LSAMP: variants seen among roughly 807,000 people sequenced by gnomAD.
LSAMP encodes limbic system associated membrane protein, also known as limbic system-associated membrane protein.
LSAMP carries 7 observed loss-of-function variants against 38.6 expected under a neutral mutation model. The ratio of observed to expected loss-of-function variants is 0.18; its 90% CI spans 0.10 to 0.34. The LOEUF (loss-of-function observed/expected upper bound fraction) is 0.34. Among genes scored for constraint, LSAMP ranks in the 10% least tolerant of loss-of-function variants. LSAMP has a pLI of 1.00. For missense variants in LSAMP, 313 were observed against 420.0 expected (o/e 0.75, Z 2.23); for synonymous variants, 154 against 166.8 (o/e 0.92, Z 0.59).
intron 1 of LSAMP, among the ~76,000 whole-genome samples, chr3:116,189,675 A>C (rs1397195938): frequency 2.6e-5 from 4 of 152,154 alleles, no homozygotes; most frequent in Non-Finnish European, 5.9e-5. Flanking sequence ...GTAAGTTTTT[A>C]AGTGGCCTAT....
At chr3:116,207,448 T>G (rs1001844392) in intron 1 of LSAMP, among the ~76,000 whole-genome samples, 2 of 150,236 alleles carry the variant, frequency 1.3e-5, no homozygotes, top group African/African-American at 4.9e-5. Flanking sequence ...CCTGTCATTA[T>G]GATGTTAGCT....
chr3:115,878,453 C>CTTTTT (rs3087024), intron 3 of LSAMP, among the ~76,000 whole-genome samples: 6 of 55,536 alleles, frequency 1.1e-4, no homozygotes, highest in African/African-American at 1.4e-4. Context: ...ACATGCTATT[C>CTTTTT]TTTTTTTTTT....
At chr3:115,877,073 C>A (rs992943978) in intron 3 of LSAMP, among the ~76,000 whole-genome samples, 1 of 152,110 alleles carries the variant, frequency 6.6e-6, no homozygotes, top group African/African-American at 2.4e-5. Context: ...CATTTAAAAT[C>A]AACAGTTGCT....
intron 3 of LSAMP, among the ~76,000 whole-genome samples, chr3:115,930,764 G>A (rs971816268): frequency 6.9e-4 from 104 of 151,806 alleles, no homozygotes; most frequent in African/African-American, 2.4e-3. Context: ...GATGAGAGGA[G>A]ATTAACAGCA....
chr3:116,060,487 G>T (rs1377937957), intron 2 of LSAMP, among the ~76,000 whole-genome samples: 1 of 152,214 alleles, frequency 6.6e-6, no homozygotes, highest in Admixed American at 6.5e-5. Context: ...TTGTCTGGGT[G>T]CCGTGGCTCA....
At chr3:116,156,627 A>G (rs540777029) in intron 1 of LSAMP, among the ~76,000 whole-genome samples, 1 of 152,278 alleles carries the variant, frequency 6.6e-6, no homozygotes, top group Admixed American at 6.5e-5. Flanking sequence ...ACTACATTCA[A>G]CAGTATTAAT....
chr3:116,328,654 TA>T (rs1235089764), intron 1 of LSAMP, among the ~76,000 whole-genome samples: 1 of 152,078 alleles, frequency 6.6e-6, no homozygotes, highest in Non-Finnish European at 1.5e-5. Context: ...TGAAAAGTGA[TA>T]GGGGCATCAT....
intron 1 of LSAMP, among the ~76,000 whole-genome samples, chr3:116,198,167 G>A (rs1255445230): frequency 2.6e-5 from 4 of 152,224 alleles, no homozygotes; most frequent in Admixed American, 2.6e-4. Context: ...GAGCATTTCT[G>A]TAGGAAATCA....
intron 6 of LSAMP, among the ~76,000 whole-genome samples, chr3:115,825,967 A>T (rs1353841869): frequency 6.6e-6 from 1 of 152,132 alleles, no homozygotes; most frequent in East Asian, 1.9e-4. Flanking sequence ...CTTACGTAAA[A>T]AATATTATTT....
chr3:115,881,070 A>AAATAAATAAAT (rs1936311014), intron 3 of LSAMP, among the ~76,000 whole-genome samples: 1 of 151,766 alleles, frequency 6.6e-6, no homozygotes, highest in East Asian at 1.9e-4. Flanking sequence ...ATAAATAAAT[A>AAATAAATAAAT]AAATACTGTA....
At chr3:115,849,706 G>C (rs1454101905) in intron 4 of LSAMP, among the ~76,000 whole-genome samples, 1 of 152,084 alleles carries the variant, frequency 6.6e-6, no homozygotes, top group African/African-American at 2.4e-5. Flanking sequence ...AGGCAGACTT[G>C]GTTCCATAAT....
intron 1 of LSAMP, among the ~76,000 whole-genome samples, chr3:116,315,934 C>T (rs534406644): frequency 1.3e-5 from 2 of 152,168 alleles, no homozygotes; most frequent in African/African-American, 4.8e-5. Flanking sequence ...AAACGAATGG[C>T]ATTCAGAGGG....
At chr3:116,080,744 G>C (rs1283254368) in intron 2 of LSAMP, among the ~76,000 whole-genome samples, 1 of 152,168 alleles carries the variant, frequency 6.6e-6, no homozygotes, top group African/African-American at 2.4e-5. Flanking sequence ...AAAATTAGTA[G>C]ACTTCAGCAT....
chr3:115,837,024 C>T (rs1934810087), intron 6 of LSAMP, among the ~76,000 whole-genome samples: 1 of 152,176 alleles, frequency 6.6e-6, no homozygotes, highest in Non-Finnish European at 1.5e-5. Context: ...TCATTACAGG[C>T]TTCAGCCACT....
At chr3:115,925,503 T>TTA (rs1438035139) in intron 3 of LSAMP, among the ~76,000 whole-genome samples, 3 of 152,298 alleles carry the variant, frequency 2.0e-5, no homozygotes, top group Admixed American at 6.5e-5. Context: ...TTCACAAATG[T>TTA]TATAGAAGGC....
intron 1 of LSAMP, among the ~76,000 whole-genome samples, chr3:116,208,480 C>A (rs1480115767): frequency 9.8e-5 from 15 of 152,308 alleles, no homozygotes; most frequent in Middle Eastern, 3.4e-3. Context: ...AAGCGCTCTG[C>A]TTTTTAGAGT....
intron 1 of LSAMP, among the ~76,000 whole-genome samples, chr3:116,258,911 C>T (rs1350521175): frequency 6.6e-6 from 1 of 152,050 alleles, no homozygotes; most frequent in African/African-American, 2.4e-5. Context: ...CACTTGAAAA[C>T]TATTGGGGAG....
chr3:116,109,042 C>T (rs1052697527), intron 1 of LSAMP, among the ~76,000 whole-genome samples: 3 of 152,064 alleles, frequency 2.0e-5, no homozygotes, highest in Admixed American at 2.0e-4. Context: ...AATAAGACGG[C>T]CTTTTGACCT....
At chr3:116,265,467 G>A (rs770608863) in intron 1 of LSAMP, among the ~76,000 whole-genome samples, 5 of 152,114 alleles carry the variant, frequency 3.3e-5, no homozygotes, top group Non-Finnish European at 5.9e-5. Flanking sequence ...ATCTGCTCTC[G>A]TATCCGAAGA....
Sources: gnomAD v4.1 joint callset for allele counts (sites outside exome capture counted in the v4.1 genomes callset) on GRCh38, gnomAD v4.1.1 for gene constraint, MANE v1.5 for transcripts, NCBI Gene and HGNC (gene_info 2026-07-23, HGNC 2026-07-21) for gene names.